The following KDR variants were observed in gnomAD, a reference collection of about 807,000 sequenced individuals.
KDR encodes the protein vascular endothelial growth factor receptor 2.
Under a neutral mutation model 160.9 loss-of-function variants are expected in KDR, and 43 were observed. The ratio of observed to expected loss-of-function variants is 0.27; its 90% CI spans 0.21 to 0.34. The LOEUF (loss-of-function observed/expected upper bound fraction) is 0.34. Among genes scored for constraint, KDR ranks in the 10% least tolerant of loss-of-function variants. The pLI is 1.00. For synonymous variants in KDR, 617 were observed against 600.1 expected, an observed-to-expected ratio of 1.03 and a Z score of -0.41; for missense variants, 1,469 against 1,666.4, an observed-to-expected ratio of 0.88 and a Z score of 2.06.
chr4:55,098,683 A>G lies in KDR; in HGVS notation c.2373+14T>C. The G allele has an allele frequency of 1.3e-6, 2 of 1,590,438 alleles. No individual in the cohort carries two copies. The highest frequency in any genetic ancestry group is 1.7e-6 in the Non-Finnish European group (2 of 1,158,750). ...AACCAATGTGCATGGGCAGAAGGGAAATTATTTTTTTACCCGCTTAACGGT... is the reference window on the plus strand; with the variant it reads ...AACCAATGTGCATGGGCAGAAGGGAGATTATTTTTTTACCCGCTTAACGGT... On this transcript the variant is annotated intron_variant, in intron 16 of 29. Coordinates refer to ENST00000263923, the MANE Select transcript of KDR (RefSeq NM_002253.4).
At position 55,084,009 on chromosome 4, in the gene KDR, G is replaced by A. The variant is rs961777390; in HGVS notation, c.3663-1374C>T. 1.6e-4 allele frequency among the ~76,000 whole-genome samples: 25 copies of A among 152,100 alleles called. 1 individual carries two copies. The highest frequency in any genetic ancestry group is 1.1e-3 in the Admixed American group (17 of 15,268). On this transcript the variant is annotated intron_variant, in intron 27 of 29. Coordinates refer to ENST00000263923, the MANE Select transcript of KDR (RefSeq NM_002253.4). ...AGGAAGCCCTCACTGATAATCTGCC[G>A]CAAGCCTGACACTGTGCCAGAAGCT...
intron 14 of KDR, 23 bp from the exon 15 acceptor site, chr4:55,102,051 A>C: frequency 6.2e-7 from 1 of 1,613,380 alleles, no homozygotes; most frequent in Non-Finnish European, 8.5e-7. Context: ...GAAAACGATC[A>C]TTCTCATTTA....
chr4:55,106,927 G>T, intron 10 of KDR, 117 bp from the exon 11 acceptor site: 1 of 886,540 alleles, frequency 1.1e-6, no homozygotes, highest in South Asian at 1.4e-5. Flanking sequence ...TTCCAACGCA[G>T]CCTACCATGG....
chr4:55,102,444 G>C lies in KDR; in HGVS notation c.2052C>G (p.Ile684Met), dbSNP rs769621134. 1.2e-6 allele frequency: 2 copies of C among 1,613,600 alleles called. No homozygotes were observed. Among genetic ancestry groups the C allele is most frequent in the Admixed American group, 1.7e-5 (1 of 59,980 alleles). ...ENQTTSIGESIEVSCTASGNP... is the reference protein window; with the variant it reads ...ENQTTSIGESMEVSCTASGNP... ...TCCCAGATGCCGTGCATGAGACTTCGATGCTTTCCCCAATACTTGTCGTCT... is the reference window on the plus strand; with the variant it reads ...TCCCAGATGCCGTGCATGAGACTTCCATGCTTTCCCCAATACTTGTCGTCT... The change falls in exon 14 of 30, where the codon ATC becomes ATG. Residue 684 changes from isoleucine to methionine, a missense_variant. This residue lies in a region of KDR where 792 missense variants were observed against 840.9 expected (regional missense o/e 0.94). Transcript: ENST00000263923.
chr4:55,095,743 C>A, intron 19 of KDR, 78 bp from the exon 20 acceptor site: 1 of 989,210 alleles, frequency 1.0e-6, no homozygotes, highest in Non-Finnish European at 1.6e-6. Context: ...GTGATGAACC[C>A]AAAAACACCT....
At chr4:55,112,262 T>C (rs920764530) in intron 7 of KDR, among the ~76,000 whole-genome samples, 5 of 152,100 alleles carry the variant, frequency 3.3e-5, no homozygotes, top group Non-Finnish European at 7.4e-5. Flanking sequence ...TTCCCCCTTT[T>C]CCTCAGCCTA....
intron 13 of KDR, 136 bp from the exon 14 acceptor site, chr4:55,102,644 G>A (rs1720344452): frequency 1.2e-6 from 1 of 852,140 alleles, no homozygotes; most frequent in Admixed American, 2.1e-5. Flanking sequence ...AAAATACACT[G>A]GTCACTGGGT....
chr4:55,110,288 G>A lies in KDR; in HGVS notation c.1255+115C>T, dbSNP rs1460927784. 1.2e-5 allele frequency: 13 copies of A among 1,105,706 alleles called. No individual in the cohort carries two copies. The Admixed American group carries it at 1.7e-4, about 15-fold the overall frequency. The allele number at this position is 1,105,706 out of a possible 1,614,324, so 68.5% of individuals were successfully genotyped here. On this transcript the variant is annotated intron_variant, in intron 9 of 29. Coordinates refer to ENST00000263923, the MANE Select transcript of KDR (RefSeq NM_002253.4). ...CACGCCAGATGACTTTTGTACGCAG[G>A]CCCAGCCATGATATGAGTGAAGCAG...
rs557617882 is a variant in KDR, at chr4:55,119,235, A to G, written c.162-435T>C. ...AAAAAAAAAACAAAGTCTTCTACCA[A>G]CAAGTCAGATTGACATATGATGAAA... On this transcript the variant is annotated intron_variant, in intron 2 of 29. Transcript: ENST00000263923. Among the ~76,000 whole-genome samples, 4 of 152,270 alleles carry G rather than the reference A, an allele frequency of 2.6e-5. No individual in the cohort carries two copies. The East Asian group carries it at 7.7e-4, about 29-fold the overall frequency.
rs1229432573 is a variant in KDR at position 55,094,888 on chromosome 4, C to T, written c.2885G>A (p.Arg962His). 1.1e-5 allele frequency: 18 copies of T among 1,613,818 alleles called. No individual in the cohort carries two copies. Among genetic ancestry groups the T allele is most frequent in the African/African-American group, 4.0e-5 (3 of 74,910 alleles). ...CTGGCTACTGGTGATGCTGTCCAAGCGCCGTTTCAGATCCACAGGGATTGC... is the reference window on the plus strand; with the variant it reads ...CTGGCTACTGGTGATGCTGTCCAAGTGCCGTTTCAGATCCACAGGGATTGC... ...VGAIPVDLKRRLDSITSSQSS... is the reference protein window; with the variant it reads ...VGAIPVDLKRHLDSITSSQSS... The change falls in exon 21 of 30, where the codon CGC becomes CAC. Residue 962 changes from arginine (R) to histidine (H), a missense_variant. Coordinates refer to ENST00000263923, the MANE Select transcript of KDR (RefSeq NM_002253.4).
In KDR at chr4:55,097,706, T is replaced by C; in HGVS notation, c.2570A>G (p.Asp857Gly). The C allele has an allele frequency of 6.2e-7, 1 of 1,613,498 alleles. No individual in the cohort carries two copies. Among genetic ancestry groups the C allele is most frequent in the Non-Finnish European group, 8.5e-7 (1 of 1,179,688 alleles). Reference protein sequence around the residue: ...QVIEADAFGIDKTATCRTVAV... With the variant: ...QVIEADAFGIGKTATCRTVAV... ...TACTGTCCTGCAAGTTGCTGTCTTG[T>C]CAATTCCAAAGGCATCTGCTTCAAT... The change falls in exon 18 of 30, where the codon GAC becomes GGC. Residue 857 changes from aspartate to glycine, a missense_variant. Asp to Gly is a moderately conservative substitution (Grantham distance 94). Transcript: ENST00000263923.
In KDR at chr4:55,092,739, A is replaced by G. The variant is rs111438501; in HGVS notation, c.2972-25T>C. The G allele has an allele frequency of 6.4e-5, 94 of 1,480,266 alleles. 1 individual carries two copies. In the African/African-American group the frequency reaches 9.4e-4, roughly 15 times the overall value. 91.7% of individuals were successfully genotyped at this position (1,480,266 alleles called of 1,614,324 possible). On this transcript the variant is annotated intron_variant, in intron 21 of 29. Transcript: ENST00000263923. ...GCTGTCCAAAGAGGCAGGAGGATGGAGATCAGTATTTCCATGAGTTAGTGT... is the reference window on the plus strand; with the variant it reads ...GCTGTCCAAAGAGGCAGGAGGATGGGGATCAGTATTTCCATGAGTTAGTGT...
rs1720679317 is a variant in KDR at position 55,114,319 on chromosome 4, C to A, written c.659-54G>T. 12 of 1,574,470 alleles carry A rather than the reference C, an allele frequency of 7.6e-6. No homozygotes were observed. In the South Asian group the frequency reaches 1.1e-4, roughly 15 times the overall value. On this transcript the variant is annotated intron_variant, in intron 5 of 29. Coordinates refer to ENST00000263923, the MANE Select transcript of KDR (RefSeq NM_002253.4). ...CATGAGAGAGCAAATAAGCCTATAA[C>A]TTTGCACAGATTTATTTTTTAAAGT...
In KDR at chr4:55,097,721, T is replaced by A; in HGVS notation, c.2555A>T (p.Asp852Val). 1 of 1,613,444 alleles carries A rather than the reference T, an allele frequency of 6.2e-7. No individual in the cohort carries two copies. The highest frequency in any genetic ancestry group is 1.7e-5 in the Admixed American group (1 of 59,948). Reference protein sequence around the residue: ...RGAFGQVIEADAFGIDKTATC... With the variant: ...RGAFGQVIEAVAFGIDKTATC... ...TGCTGTCTTGTCAATTCCAAAGGCA[T>A]CTGCTTCAATCACTTGGCCAAAGGC... Residue 852 changes from aspartate (D) to valine (V), a missense_variant, in exon 18 of 30, where the codon GAT (aspartate) becomes GTT (valine). Physicochemically the swap from Asp to Val is radical, Grantham distance 152. Transcript: ENST00000263923.
chr4:55,096,767 T>A (rs1363622011), intron 18 of KDR: 2 of 273,524 alleles, frequency 7.3e-6, no homozygotes, highest in East Asian at 1.9e-4. Context: ...ATACCGAATG[T>A]TCCAGCCAAT....
At position 55,082,443 on chromosome 4, in the gene KDR, G is replaced by A. The variant is rs561517653; in HGVS notation, c.3762+93C>T. The A allele has an allele frequency of 6.3e-6, 6 of 958,316 alleles. No homozygotes were observed. The East Asian group carries it at 7.3e-5, about 12-fold the overall frequency. The allele number at this position is 958,316 out of a possible 1,614,324, so 59.4% of individuals were successfully genotyped here. A position where few individuals can be genotyped will look rare whatever the true frequency, so the allele number is the denominator to read the frequency against. On this transcript the variant is annotated intron_variant, in intron 28 of 29. Transcript: ENST00000263923. ...CACTCGAGGGCAGCCTTCTAATGAG[G>A]CTCCAAAACTTTAATGCTTAGGCTA...
rs112171210 is a variant in KDR, at chr4:55,097,647, T to A, written c.2614+15A>T. On this transcript the variant is annotated intron_variant, in intron 18 of 29. Coordinates refer to ENST00000263923, the MANE Select transcript of KDR (RefSeq NM_002253.4). ...TAAAACAGAAAGATAGATCACCACATAATTTTGCTTTTACCTTTCAACATT... is the reference window on the plus strand; with the variant it reads ...TAAAACAGAAAGATAGATCACCACAAAATTTTGCTTTTACCTTTCAACATT... 1 of 1,509,880 alleles carries A rather than the reference T, an allele frequency of 6.6e-7. No individual in the cohort carries two copies. The highest frequency in any genetic ancestry group is 9.2e-7 in the Non-Finnish European group (1 of 1,085,406). The allele number at this position is 1,509,880 out of a possible 1,614,324, so 93.5% of individuals were successfully genotyped here.
Position 55,115,356 on chromosome 4 carries a change from A to T in KDR, c.414T>A (p.Ile138=). The T allele has an allele frequency of 6.4e-7, 1 of 1,562,976 alleles. No homozygotes were observed. Among genetic ancestry groups the T allele is most frequent in the Non-Finnish European group, 8.8e-7 (1 of 1,133,468 alleles). ...SVSDQHGVVY[I]TENKNKTVVI... ...CCACAGTTTTGTTTTTGTTCTCAGT[A>T]ATGTACACGACTCCATGTTGGTCAC... Residue 138 remains isoleucine, a synonymous_variant, in exon 4 of 30, where the codon ATT becomes ATA. Transcript: ENST00000263923.
intron 12 of KDR, among the ~76,000 whole-genome samples, chr4:55,105,360 G>T (rs1445758860): frequency 6.6e-6 from 1 of 152,148 alleles, no homozygotes; most frequent in Admixed American, 6.5e-5. Context: ...ATTAGCCCTG[G>T]CTATAATATT....
Sources: gnomAD v4.1 joint callset for allele counts (sites outside exome capture counted in the v4.1 genomes callset) on GRCh38, gnomAD v4.1.1 for gene constraint, gnomAD v4.1.1 regional missense constraint, MANE v1.5 for transcripts, NCBI Gene and HGNC (gene_info 2026-07-23, HGNC 2026-07-21) for gene names.